The following PTPRN2 variants were observed in gnomAD, a reference collection of about 807,000 sequenced individuals.
The protein encoded by PTPRN2 is protein tyrosine phosphatase receptor type N2.
Under a neutral mutation model 118.8 loss-of-function variants are expected in PTPRN2, and 74 were observed. That is an observed-to-expected ratio of 0.62 (90% CI 0.52 to 0.76). PTPRN2 has a LOEUF of 0.76. PTPRN2 is among the 30% of genes least tolerant of loss of function. The pLI, the probability that PTPRN2 is intolerant of heterozygous loss-of-function variation, is 0.00. For missense variants in PTPRN2, 1,481 were observed against 1,394.4 expected (o/e 1.06, Z -0.99); for synonymous variants, 641 against 608.0 (o/e 1.05, Z -0.80).
At chr7:158,337,357 C>A (rs1299556038) in intron 2 of PTPRN2, among the ~76,000 whole-genome samples, 1 of 86,168 alleles carries the variant, frequency 1.2e-5, no homozygotes, top group African/African-American at 4.0e-5. Flanking sequence ...CACCTGCAGA[C>A]GTCCCTCACA....
At chr7:158,336,653 C>T (rs1232434341) in intron 2 of PTPRN2, among the ~76,000 whole-genome samples, 19 of 141,684 alleles carry the variant, frequency 1.3e-4, no homozygotes, top group African/African-American at 4.9e-4. Flanking sequence ...ACCCACACGT[C>T]ACTCACACCC....
At chr7:158,465,128 T>A (rs927307340) in intron 2 of PTPRN2, among the ~76,000 whole-genome samples, 2 of 152,238 alleles carry the variant, frequency 1.3e-5, no homozygotes, top group Non-Finnish European at 2.9e-5. Flanking sequence ...TCCTAAAGCA[T>A]GCTGGGCCTC....
intron 2 of PTPRN2, among the ~76,000 whole-genome samples, chr7:158,363,432 A>G (rs973457630): frequency 1.3e-5 from 2 of 152,034 alleles, no homozygotes; most frequent in African/African-American, 4.8e-5. Flanking sequence ...AACAAAACAT[A>G]CAAGTGAAAC....
At chr7:158,452,560 C>T (rs368094153) in intron 2 of PTPRN2, among the ~76,000 whole-genome samples, 6 of 152,146 alleles carry the variant, frequency 3.9e-5, no homozygotes, top group African/African-American at 1.2e-4. Context: ...GCCACCCCAC[C>T]GATTTCCCCT....
chr7:157,730,149 T>C (rs1164058714), intron 12 of PTPRN2, among the ~76,000 whole-genome samples: 2 of 151,566 alleles, frequency 1.3e-5, no homozygotes, highest in African/African-American at 2.4e-5. Context: ...CTGAGACCCC[T>C]GGGGATGGCA....
At chr7:157,819,038 C>T (rs535790599) in intron 12 of PTPRN2, among the ~76,000 whole-genome samples, 1 of 152,286 alleles carries the variant, frequency 6.6e-6, no homozygotes, top group Non-Finnish European at 1.5e-5. Context: ...CATCAGCCCA[C>T]GTGCCTGTGG....
At chr7:157,919,049 G>A (rs1036263927) in intron 11 of PTPRN2, among the ~76,000 whole-genome samples, 2 of 152,152 alleles carry the variant, frequency 1.3e-5, no homozygotes, top group Non-Finnish European at 2.9e-5. Flanking sequence ...AAAACACAGA[G>A]CCTTATTAGA....
At chr7:158,055,318 G>A (rs957537127) in intron 11 of PTPRN2, among the ~76,000 whole-genome samples, 12 of 152,320 alleles carry the variant, frequency 7.9e-5, no homozygotes, top group Admixed American at 1.3e-4. Context: ...TAGCGGTAAC[G>A]CCAGTGTCTG....
At chr7:157,888,400 A>G (rs1322391322) in intron 12 of PTPRN2, among the ~76,000 whole-genome samples, 1 of 151,922 alleles carries the variant, frequency 6.6e-6, no homozygotes, top group Non-Finnish European at 1.5e-5. Context: ...ATACTGCTGA[A>G]CCCACCGCTT....
intron 12 of PTPRN2, among the ~76,000 whole-genome samples, chr7:157,748,001 G>T (rs1221712798): frequency 1.5e-3 from 182 of 117,888 alleles, no homozygotes; most frequent in Admixed American, 3.4e-3. Flanking sequence ...CTGAGCTGTG[G>T]GGTGTCCGGG....
At position 157,873,349 on chromosome 7, in the gene PTPRN2, C is replaced by T. The variant is rs116199576; in HGVS notation, c.1788+25324G>A. ...GAGGCTCTGGATGGGATACGCTTCC[C>T]AGTTTGCTCGCTTCCCTGGAGAAAC... On this transcript the variant is annotated intron_variant, in intron 12 of 22. Coordinates refer to ENST00000389418, the MANE Select transcript of PTPRN2 (RefSeq NM_002847.5). 9.6e-3 allele frequency among the ~76,000 whole-genome samples: 1,463 copies of T among 152,370 alleles called. 25 individuals are homozygous for T. Among genetic ancestry groups the T allele is most frequent in the African/African-American group, 0.033 (1,389 of 41,590 alleles).
intron 11 of PTPRN2, among the ~76,000 whole-genome samples, chr7:158,063,825 A>G (rs905770649): frequency 2.0e-5 from 3 of 152,238 alleles, no homozygotes; most frequent in African/African-American, 7.2e-5. Context: ...TTCTGGACAC[A>G]GCAGGTCAGG....
At chr7:158,236,166 T>C (rs376275484) in intron 3 of PTPRN2, among the ~76,000 whole-genome samples, 3 of 152,308 alleles carry the variant, frequency 2.0e-5, no homozygotes, top group South Asian at 4.1e-4. Flanking sequence ...CCGTCATCTC[T>C]GGTCATCGCA....
Position 158,587,617 on chromosome 7 carries a change from C to CGTGGCGGCAGCAGCAGCA in PTPRN2, c.35_52dup (p.Leu12_Pro17dup). 1.5e-6 allele frequency: 2 copies of CGTGGCGGCAGCAGCAGCA among 1,361,654 alleles called. No individual in the cohort carries two copies. Among genetic ancestry groups the CGTGGCGGCAGCAGCAGCA allele is most frequent in the Non-Finnish European group, 1.9e-6 (2 of 1,063,316 alleles). The allele number at this position is 1,361,654 out of a possible 1,614,324, so 84.3% of individuals were successfully genotyped here. A position where few individuals can be genotyped will look rare whatever the true frequency, so the allele number is the denominator to read the frequency against. Reference sequence around the variant, plus strand: ...GGACGAAGGGGCGGCAGGCAGGACGCGTGGCGGCAGCAGCAGCAGTAGCAG... The same window carrying CGTGGCGGCAGCAGCAGCA: ...GGACGAAGGGGCGGCAGGCAGGACGCGTGGCGGCAGCAGCAGCAGTGGCGGCAGCAGCAGCAGTAGCAG... On this transcript the variant is annotated inframe_insertion, in exon 1 of 23. Coordinates refer to ENST00000389418, the MANE Select transcript of PTPRN2 (RefSeq NM_002847.5).
At chr7:158,035,069 G>C (rs1390967679) in intron 11 of PTPRN2, among the ~76,000 whole-genome samples, 1 of 152,250 alleles carries the variant, frequency 6.6e-6, no homozygotes, top group African/African-American at 2.4e-5. Context: ...CATGTGGCCT[G>C]AGCTTAGGAG....
rs1437878634 is a variant in PTPRN2 at position 158,276,247 on chromosome 7, T to TGTAA, written c.277+40571_277+40572insTTAC. Reference sequence around the variant, plus strand: ...AGGTAGCACCCCCACATCCCGGTCCTGGTAGCACCCCCACACTCTGGCCCC... The same window carrying TGTAA: ...AGGTAGCACCCCCACATCCCGGTCCTGTAAGGTAGCACCCCCACACTCTGGCCCC... On this transcript the variant is annotated intron_variant, in intron 3 of 22. Coordinates refer to ENST00000389418, the MANE Select transcript of PTPRN2 (RefSeq NM_002847.5). 2.1e-3 allele frequency among the ~76,000 whole-genome samples: 38 copies of TGTAA among 18,234 alleles called. 1 individual carries two copies. Among genetic ancestry groups the TGTAA allele is most frequent in the African/African-American group, 4.3e-3 (33 of 7,708 alleles). 12.0% of individuals were successfully genotyped at this position (18,234 alleles called of 152,430 possible).
chr7:157,882,951 C>A (rs1470738888), intron 12 of PTPRN2, among the ~76,000 whole-genome samples: 3 of 150,440 alleles, frequency 2.0e-5, no homozygotes. Context: ...GAACAGAACA[C>A]ACCACCCCAA....
At chr7:158,051,627 C>T (rs1185321003) in intron 11 of PTPRN2, among the ~76,000 whole-genome samples, 4 of 152,324 alleles carry the variant, frequency 2.6e-5, no homozygotes, top group East Asian at 1.9e-4. Flanking sequence ...GGCGAGCGCC[C>T]GCCACCTTCA....
chr7:158,510,443 ACTCTCTCTCTCT>A lies in PTPRN2; in HGVS notation c.113-20670_113-20659del, dbSNP rs10581746. Among the ~76,000 whole-genome samples, 1,166 of 147,646 alleles carry A rather than the reference ACTCTCTCTCTCT, an allele frequency of 7.9e-3. 32 individuals are homozygous for A. The East Asian group carries it at 0.11, about 14-fold the overall frequency. On this transcript the variant is annotated intron_variant, in intron 1 of 22. Coordinates refer to ENST00000389418, the MANE Select transcript of PTPRN2 (RefSeq NM_002847.5). ...TCATTCACACTAAGTGTGTGTGTTT[ACTCTCTCTCTCT>A]CTCTCTCTCTCTCTCTCTCTCTCAC...
Sources: gnomAD v4.1 joint callset for allele counts (sites outside exome capture counted in the v4.1 genomes callset) on GRCh38, gnomAD v4.1.1 for gene constraint, MANE v1.5 for transcripts, NCBI Gene and HGNC (gene_info 2026-07-23, HGNC 2026-07-21) for gene names.